Variants in CUL5 observed in about 807,000 individuals in gnomAD.
CUL5 encodes the protein cullin-5.
CUL5 carries 26 observed loss-of-function variants against 108.8 expected under a neutral mutation model. The ratio of observed to expected loss-of-function variants is 0.24; its 90% CI spans 0.18 to 0.33. CUL5 has a LOEUF of 0.33. CUL5 is among the 10% of genes least tolerant of loss of function. The pLI is 1.00. For synonymous variants in CUL5, 334 were observed against 298.0 expected, an observed-to-expected ratio of 1.12 and a Z score of -1.25; for missense variants, 524 against 909.2, an observed-to-expected ratio of 0.58 and a Z score of 5.45.
chr11:108,095,742 A>T (rs549712949), intron 16 of CUL5, 51 bp downstream of exon 16: 1 of 1,444,858 alleles, frequency 6.9e-7, no homozygotes, highest in East Asian at 2.3e-5. Flanking sequence ...ATGTAGCAGG[A>T]AATATATGAT....
intron 1 of CUL5, among the ~76,000 whole-genome samples, chr11:108,021,513 C>A (rs1862325978): frequency 6.6e-6 from 1 of 152,114 alleles, no homozygotes; most frequent in African/African-American, 2.4e-5. Context: ...GAGACAGGGT[C>A]TTACTCTGTC....
chr11:108,102,099 A>AC (rs1171562750), intron 18 of CUL5, among the ~76,000 whole-genome samples: 11 of 151,164 alleles, frequency 7.3e-5, no homozygotes, highest in Non-Finnish European at 1.2e-4. Context: ...TTGGCTCACT[A>AC]CAACCTCCAC....
intron 2 of CUL5, among the ~76,000 whole-genome samples, chr11:108,042,910 G>T (rs909341747): frequency 6.6e-6 from 1 of 151,602 alleles, no homozygotes; most frequent in Non-Finnish European, 1.5e-5. Flanking sequence ...CTACAGGAGC[G>T]CACCACCACG....
chr11:108,098,354 G>A, intron 17 of CUL5, 52 bp from the exon 18 acceptor site: 1 of 1,500,900 alleles, frequency 6.7e-7, no homozygotes. Context: ...GCTATAATAG[G>A]ATTTTTAAAG....
At chr11:108,060,052 CTG>C (rs1863496360) in intron 7 of CUL5, among the ~76,000 whole-genome samples, 1 of 152,104 alleles carries the variant, frequency 6.6e-6, no homozygotes, top group African/African-American at 2.4e-5. Context: ...ATTTTACCAT[CTG>C]TGCAAAACTG....
intron 7 of CUL5, among the ~76,000 whole-genome samples, chr11:108,064,536 C>T (rs1395629525): frequency 6.6e-6 from 1 of 152,002 alleles, no homozygotes; most frequent in African/African-American, 2.4e-5. Flanking sequence ...GGTGAAACCC[C>T]ATCTCTACTA....
At chr11:108,029,257 C>T (rs565967464) in intron 1 of CUL5, among the ~76,000 whole-genome samples, 17 of 152,124 alleles carry the variant, frequency 1.1e-4, no homozygotes, top group Admixed American at 5.2e-4. Flanking sequence ...GGCTTCCCCA[C>T]GGCCCATTTG....
At position 108,009,356 on chromosome 11, in the gene CUL5, C is replaced by T. The variant is rs1362203316; in HGVS notation, c.8C>T (p.Thr3Met). 5.0e-6 allele frequency: 8 copies of T among 1,613,282 alleles called. No homozygotes were observed. The East Asian group carries it at 8.9e-5, about 18-fold the overall frequency. ...GAGTCCAAGTTAAAGAACATGGCGACGTCTAATCTGTTAAAGGTAAGACCC... is the reference window on the plus strand; with the variant it reads ...GAGTCCAAGTTAAAGAACATGGCGATGTCTAATCTGTTAAAGGTAAGACCC... MATSNLLKNKGSL... is the reference protein window; with the variant it reads MAMSNLLKNKGSL... The change falls in exon 1 of 19, where the codon ACG becomes ATG. Residue 3 changes from threonine to methionine, a missense_variant. By Grantham distance (81) the Thr-to-Met change is moderately conservative (BLOSUM62 -1). Coordinates refer to ENST00000393094, the MANE Select transcript of CUL5 (RefSeq NM_003478.6).
chr11:108,059,566 GTC>G (rs1863482133), intron 7 of CUL5, among the ~76,000 whole-genome samples: 1 of 152,058 alleles, frequency 6.6e-6, no homozygotes, highest in Non-Finnish European at 1.5e-5. Context: ...AACCTTTGTA[GTC>G]TCTCTTTTCC....
Position 108,073,411 on chromosome 11 carries a change from C to A in CUL5, c.1027C>A (p.Gln343Lys). The A allele has an allele frequency of 6.4e-7, 1 of 1,567,318 alleles. No homozygotes were observed. The highest frequency in any genetic ancestry group is 8.7e-7 in the Non-Finnish European group (1 of 1,151,024). ...ITTDSEKYVE[Q>K]LLTLFNRFSK... is the part of the protein sequence containing the mutation. ...CTAGGACTCTGAGAAATACGTTGAG[C>A]AGTTACTTACACTATTTAATAGATT... Residue 343 changes from glutamine (Q) to lysine (K), a missense_variant, in exon 10 of 19, where the codon CAG becomes AAG. Gln to Lys is a moderately conservative substitution (Grantham distance 53). Coordinates refer to ENST00000393094, the MANE Select transcript of CUL5 (RefSeq NM_003478.6).
intron 7 of CUL5, among the ~76,000 whole-genome samples, chr11:108,059,598 G>A (rs186158322): frequency 6.6e-6 from 1 of 152,214 alleles, no homozygotes; most frequent in Admixed American, 6.5e-5. Flanking sequence ...AATGGAATAG[G>A]CCGGGCGCGG....
chr11:108,016,223 G>A (rs569607097), intron 1 of CUL5, among the ~76,000 whole-genome samples: 9 of 151,024 alleles, frequency 6.0e-5, no homozygotes, highest in Non-Finnish European at 8.8e-5. Context: ...CAGCCAGAGA[G>A]GTTTTTCTTT....
intron 7 of CUL5, among the ~76,000 whole-genome samples, chr11:108,059,974 T>A (rs758439128): frequency 2.6e-5 from 4 of 152,142 alleles, no homozygotes; most frequent in African/African-American, 4.8e-5. Flanking sequence ...GTGCCTGGCA[T>A]GATAGCTTTT....
intron 16 of CUL5, 99 bp downstream of exon 16, chr11:108,095,790 G>T: frequency 8.8e-7 from 1 of 1,140,646 alleles, no homozygotes; most frequent in Non-Finnish European, 1.3e-6. Context: ...AACAGTTTCA[G>T]AATGTCTTAT....
chr11:108,076,438 G>A (rs1476809602), intron 10 of CUL5, among the ~76,000 whole-genome samples: 2 of 151,902 alleles, frequency 1.3e-5, no homozygotes, highest in African/African-American at 4.8e-5. Context: ...ACATTTCCTT[G>A]TTTCTTTCCC....
intron 18 of CUL5, among the ~76,000 whole-genome samples, chr11:108,103,481 A>G (rs965902569): frequency 1.3e-5 from 2 of 152,216 alleles, no homozygotes; most frequent in Non-Finnish European, 2.9e-5. Context: ...TGTAGCAAAT[A>G]TAATTAATTA....
At chr11:108,053,365 G>A (rs1202342756) in intron 5 of CUL5, among the ~76,000 whole-genome samples, 4 of 152,168 alleles carry the variant, frequency 2.6e-5, no homozygotes, top group African/African-American at 9.7e-5. Flanking sequence ...AACATAGAAT[G>A]CATGGCACAA....
intron 17 of CUL5, among the ~76,000 whole-genome samples, chr11:108,098,191 TGTA>T (rs1344009715): frequency 6.6e-6 from 1 of 152,222 alleles, no homozygotes; most frequent in Non-Finnish European, 1.5e-5. Context: ...TTACAGAGAA[TGTA>T]GTCACTTGTT....
intron 18 of CUL5, among the ~76,000 whole-genome samples, chr11:108,103,416 A>G (rs896282781): frequency 1.7e-4 from 26 of 151,458 alleles, no homozygotes; most frequent in Middle Eastern, 3.4e-3. Flanking sequence ...GAAGAAGGGG[A>G]AAAAAAAAAC....
Sources: gnomAD v4.1 joint callset for allele counts (sites outside exome capture counted in the v4.1 genomes callset) on GRCh38, gnomAD v4.1.1 for gene constraint, MANE v1.5 for transcripts, NCBI Gene and HGNC (gene_info 2026-07-23, HGNC 2026-07-21) for gene names.